Variants in ERICH6B observed in about 807,000 individuals in gnomAD.
ERICH6B encodes the protein glutamate-rich protein 6B.
Under a neutral mutation model 80.0 loss-of-function variants are expected in ERICH6B, and 69 were observed. The observed-to-expected ratio is 0.86, with a 90% CI of 0.71 to 1.05. The LOEUF is 1.05. Ranked by LOEUF, ERICH6B falls within the 50% of genes least tolerant of loss-of-function variation. ERICH6B has a pLI of 0.00. For synonymous variants in ERICH6B, 283 were observed against 291.9 expected, an observed-to-expected ratio of 0.97 and a Z score of 0.31; for missense variants, 754 against 796.1, an observed-to-expected ratio of 0.95 and a Z score of 0.64.
At chr13:45,543,494 G>A (rs929490540) in intron 14 of ERICH6B, among the ~76,000 whole-genome samples, 9 of 152,312 alleles carry the variant, frequency 5.9e-5, no homozygotes, top group East Asian at 1.9e-4. Context: ...GAAAAAAGAC[G>A]AGGTTTGACA....
chr13:45,614,702 A>G (rs558640800), intron 1 of ERICH6B, among the ~76,000 whole-genome samples: 17 of 152,346 alleles, frequency 1.1e-4, no homozygotes, highest in Non-Finnish European at 2.5e-4. Flanking sequence ...TCATTTCTGT[A>G]AAGGACTCCA....
chr13:45,587,471 C>T (rs1213507454), intron 4 of ERICH6B, among the ~76,000 whole-genome samples: 1 of 152,198 alleles, frequency 6.6e-6, no homozygotes, highest in Non-Finnish European at 1.5e-5. Flanking sequence ...CTGTGGCTAC[C>T]TTCAAAGGCC....
intron 10 of ERICH6B, among the ~76,000 whole-genome samples, chr13:45,562,944 A>G (rs1475429935): frequency 9.9e-5 from 15 of 152,160 alleles, no homozygotes. Flanking sequence ...AAAAAGTACC[A>G]TGATTGATTA....
At chr13:45,557,861 A>G (rs987634442) in intron 11 of ERICH6B, among the ~76,000 whole-genome samples, 4 of 151,994 alleles carry the variant, frequency 2.6e-5, no homozygotes, top group African/African-American at 9.7e-5. Context: ...AAATCAGGTA[A>G]TGTGATGCCT....
intron 2 of ERICH6B, among the ~76,000 whole-genome samples, chr13:45,597,445 A>T (rs1876447613): frequency 6.6e-6 from 1 of 152,206 alleles, no homozygotes. Context: ...GGGAGAAAGG[A>T]GTCACAAAAA....
intron 13 of ERICH6B, among the ~76,000 whole-genome samples, chr13:45,547,593 G>A (rs1874042244): frequency 6.6e-6 from 1 of 152,182 alleles, no homozygotes; most frequent in African/African-American, 2.4e-5. Context: ...TAAGATGTAT[G>A]AAGAAGCACG....
Position 45,576,183 on chromosome 13 carries a change from G to C in ERICH6B, c.962-1253C>G, listed in dbSNP as rs374561116. On this transcript the variant is annotated intron_variant, in intron 7 of 14. Transcript: ENST00000298738. ...CTCCTGGGATGGAGAATTTTACTGG[G>C]CTGGGGCTGCGTTTACCCACACTGT... 3.3e-5 allele frequency among the ~76,000 whole-genome samples: 5 copies of C among 152,290 alleles called. No individual in the cohort carries two copies. In the East Asian group the frequency reaches 5.8e-4, roughly 18 times the overall value.
intron 11 of ERICH6B, among the ~76,000 whole-genome samples, chr13:45,557,249 A>T (rs565675410): frequency 8.6e-5 from 13 of 151,910 alleles, no homozygotes; most frequent in Non-Finnish European, 1.5e-4. Flanking sequence ...AGAATTGTCT[A>T]TTCATGTCCT....
At chr13:45,545,035 C>G (rs1240976378) in intron 13 of ERICH6B, 50 bp from the exon 14 acceptor site, 5 of 1,397,900 alleles carry the variant, frequency 3.6e-6, no homozygotes, top group Non-Finnish European at 4.9e-6. Flanking sequence ...AGCCCTGGGC[C>G]TCTGCTCCTC....
At chr13:45,569,214 C>T (rs1875050145) in intron 8 of ERICH6B, among the ~76,000 whole-genome samples, 2 of 152,168 alleles carry the variant, frequency 1.3e-5, no homozygotes, top group South Asian at 4.1e-4. Flanking sequence ...CAACCTCCGC[C>T]TCCCGGGTTC....
At chr13:45,566,289 T>C (rs1217004634) in intron 9 of ERICH6B, among the ~76,000 whole-genome samples, 1 of 152,198 alleles carries the variant, frequency 6.6e-6, no homozygotes, top group Non-Finnish European at 1.5e-5. Context: ...GAAAATCCTA[T>C]TTTCTGAGAA....
chr13:45,571,203 G>A (rs1227313779), intron 8 of ERICH6B, among the ~76,000 whole-genome samples: 3 of 152,152 alleles, frequency 2.0e-5, no homozygotes, highest in African/African-American at 7.2e-5. Context: ...TCAGCCCTGT[G>A]ACATACTTTG....
intron 2 of ERICH6B, among the ~76,000 whole-genome samples, chr13:45,602,485 C>T (rs1949832978): frequency 6.6e-6 from 1 of 152,234 alleles, no homozygotes; most frequent in African/African-American, 2.4e-5. Flanking sequence ...TTCCACTCAT[C>T]ACTGGCCTTT....
chr13:45,595,164 C>A (rs1278418329), intron 3 of ERICH6B, among the ~76,000 whole-genome samples: 1 of 152,166 alleles, frequency 6.6e-6, no homozygotes, highest in East Asian at 1.9e-4. Flanking sequence ...GTTGACCTAG[C>A]AACAGAGTGT....
At chr13:45,568,853 AT>A (rs11299628) in intron 8 of ERICH6B, among the ~76,000 whole-genome samples, 33,571 of 152,004 alleles carry the variant, frequency 0.22, 8,718 homozygotes, top group African/African-American at 0.63. Flanking sequence ...TTTCCTTAAA[AT>A]TTTTTTTTAA....
rs540759600 is a variant in ERICH6B at position 45,541,613 on chromosome 13, G to T, written c.1940C>A (p.Thr647Lys). Residue 647 changes from threonine (T) to lysine (K), a missense_variant, in exon 15 of 15, where the codon ACA (threonine) becomes AAA (lysine). Coordinates refer to ENST00000298738, the MANE Select transcript of ERICH6B (RefSeq NM_182542.3). ...KTILEAEPGP[T>K]AQKIRVLLGK... ...CAGAAGGACCCGGATCTTCTGGGCT[G>T]TTGGGCCGGGTTCTGCCTCCAGGAT... 24 of 1,551,650 alleles carry T rather than the reference G, an allele frequency of 1.5e-5. No homozygotes were observed. In the East Asian group the frequency reaches 5.9e-4, roughly 38 times the overall value.
chr13:45,583,747 TTCTC>T (rs1875772434), intron 5 of ERICH6B, among the ~76,000 whole-genome samples: 2 of 152,228 alleles, frequency 1.3e-5, no homozygotes, highest in African/African-American at 4.8e-5. Flanking sequence ...TGGTTCTCAG[TTCTC>T]TCTCTTGCCT....
intron 2 of ERICH6B, among the ~76,000 whole-genome samples, chr13:45,601,300 C>G (rs1949825682): frequency 6.6e-6 from 1 of 152,050 alleles, no homozygotes; most frequent in Non-Finnish European, 1.5e-5. Flanking sequence ...CTGATAGTAC[C>G]AGCTACTTGG....
chr13:45,562,784 G>C (rs149423798), intron 10 of ERICH6B, among the ~76,000 whole-genome samples: 1 of 152,218 alleles, frequency 6.6e-6, no homozygotes, highest in African/African-American at 2.4e-5. Context: ...AGGCTGGAGT[G>C]GGGATGGGTT....
Sources: gnomAD v4.1 joint callset for allele counts (sites outside exome capture counted in the v4.1 genomes callset) on GRCh38, gnomAD v4.1.1 for gene constraint, MANE v1.5 for transcripts, NCBI Gene and HGNC (gene_info 2026-07-23, HGNC 2026-07-21) for gene names.